The following DCDC2C variants were observed in gnomAD, a reference collection of about 807,000 sequenced individuals.
The protein encoded by DCDC2C is doublecortin domain containing 2C, also known as doublecortin domain-containing protein 2C.
In DCDC2C, 44 loss-of-function variants were observed where a neutral mutation model predicts 45.0. The ratio of observed to expected loss-of-function variants is 0.98; its 90% CI spans 0.77 to 1.26. DCDC2C has a LOEUF of 1.26. DCDC2C is among the 50% of genes most tolerant of loss of function. The probability of loss-of-function intolerance (pLI) is 0.00; values close to 1 mark genes in which losing one functional copy is unlikely to be tolerated. For synonymous variants in DCDC2C, 187 were observed against 178.8 expected, an observed-to-expected ratio of 1.05 and a Z score of -0.37; for missense variants, 447 against 468.9, an observed-to-expected ratio of 0.95 and a Z score of 0.43.
At chr2:3,832,923 G>T (rs1042137301) in intron 10 of DCDC2C, among the ~76,000 whole-genome samples, 55 of 152,304 alleles carry the variant, frequency 3.6e-4, no homozygotes, top group African/African-American at 1.0e-3. Context: ...ACAGCACAAG[G>T]TTATGATTTA....
chr2:3,786,867 T>C (rs1438864290), intron 10 of DCDC2C, among the ~76,000 whole-genome samples: 1 of 152,276 alleles, frequency 6.6e-6, no homozygotes, highest in Non-Finnish European at 1.5e-5. Context: ...TAGGTTTACT[T>C]ACTTTTCAAG....
At chr2:3,762,925 G>A (rs1669920131) in intron 6 of DCDC2C, among the ~76,000 whole-genome samples, 1 of 152,072 alleles carries the variant, frequency 6.6e-6, no homozygotes, top group Admixed American at 6.5e-5. Context: ...CGTGTGTGAG[G>A]CTGCCTGGGA....
chr2:3,788,775 CGTTTCCCTTT>C (rs1670722193), intron 10 of DCDC2C, among the ~76,000 whole-genome samples: 1 of 142,578 alleles, frequency 7.0e-6, no homozygotes, highest in African/African-American at 2.7e-5. Context: ...TCCTTTCTTC[CGTTTCCCTTT>C]CTTCCTCCCT....
intron 2 of DCDC2C, among the ~76,000 whole-genome samples, chr2:3,721,346 A>T (rs944930622): frequency 6.6e-6 from 1 of 152,106 alleles, no homozygotes; most frequent in African/African-American, 2.4e-5. Context: ...TTTTCTGTGA[A>T]TTCATCCTGC....
chr2:3,711,933 G>A (rs536252265), intron 2 of DCDC2C, among the ~76,000 whole-genome samples: 3 of 152,206 alleles, frequency 2.0e-5, no homozygotes, highest in Admixed American at 6.5e-5. Context: ...TCATGTCAGC[G>A]TGCGTGGCCT....
chr2:3,797,874 T>C (rs1379949079), intron 10 of DCDC2C, among the ~76,000 whole-genome samples: 2 of 148,036 alleles, frequency 1.4e-5, no homozygotes, highest in African/African-American at 2.4e-5. Flanking sequence ...GTTCTGTAGA[T>C]GTCTATTAGG....
At chr2:3,805,565 C>G (rs1386344469) in intron 10 of DCDC2C, among the ~76,000 whole-genome samples, 4 of 152,192 alleles carry the variant, frequency 2.6e-5, no homozygotes, top group African/African-American at 9.7e-5. Context: ...AATGTGTCAC[C>G]TTGTGCCTGT....
intron 1 of DCDC2C, among the ~76,000 whole-genome samples, chr2:3,706,581 G>A (rs1668070651): frequency 6.6e-6 from 1 of 152,010 alleles, no homozygotes; most frequent in Non-Finnish European, 1.5e-5. Flanking sequence ...TTTAGGGGAG[G>A]GACCCCAAAG....
chr2:3,752,499 A>C, intron 4 of DCDC2C: 1 of 508,838 alleles, frequency 2.0e-6, no homozygotes, highest in Non-Finnish European at 3.6e-6. Context: ...AGAGTGTAAC[A>C]TGGTTCTCAA....
chr2:3,785,027 A>T (rs1670613686), intron 9 of DCDC2C, 32 bp from the exon 10 acceptor site: 3 of 1,225,424 alleles, frequency 2.4e-6, no homozygotes, highest in Non-Finnish European at 3.1e-6. Flanking sequence ...TTCTTGCGAT[A>T]GTTGATTCCT....
intron 9 of DCDC2C, among the ~76,000 whole-genome samples, chr2:3,784,120 G>GT (rs1042603092): frequency 8.5e-5 from 13 of 152,124 alleles, no homozygotes; most frequent in African/African-American, 2.7e-4. Context: ...TAAAAATGAG[G>GT]TTTTTTTGTT....
chr2:3,718,827 G>C (rs1323137659), intron 2 of DCDC2C, among the ~76,000 whole-genome samples: 1 of 152,144 alleles, frequency 6.6e-6, no homozygotes, highest in Non-Finnish European at 1.5e-5. Flanking sequence ...AAGGTGGCAC[G>C]GACCCAAAGA....
At position 3,781,498 on chromosome 2, in the gene DCDC2C, T is replaced by C. The variant is rs564489323; in HGVS notation, c.1023+2614T>C. ...TGCCTATGATGAAGTTACTTAAATATGTAATCCTGGAGTAAAATGCTAATT... is the reference window on the plus strand; with the variant it reads ...TGCCTATGATGAAGTTACTTAAATACGTAATCCTGGAGTAAAATGCTAATT... On this transcript the variant is annotated intron_variant, in intron 9 of 10. Transcript: ENST00000399143. 4.6e-5 allele frequency among the ~76,000 whole-genome samples: 7 copies of C among 152,370 alleles called. No individual in the cohort carries two copies. In the East Asian group the frequency reaches 7.7e-4, roughly 17 times the overall value.
intron 8 of DCDC2C, among the ~76,000 whole-genome samples, chr2:3,771,277 C>T (rs190022738): frequency 2.0e-5 from 3 of 152,328 alleles, no homozygotes; most frequent in Admixed American, 1.3e-4. Context: ...TCCCACTCGC[C>T]GGGTCCTGAC....
chr2:3,847,321 G>T lies in DCDC2C; in HGVS notation c.*138G>T. ...CCCACACAGTGGTGTCTTCTCGAAA[G>T]CCAAAGACGAGGTTTCATAATTGAG... On this transcript the variant is annotated 3_prime_UTR_variant, in exon 11 of 11. Coordinates refer to ENST00000399143, the MANE Select transcript of DCDC2C (RefSeq NM_001287444.2). 5 of 496,582 alleles carry T rather than the reference G, an allele frequency of 1.0e-5. No homozygotes were observed. Among genetic ancestry groups the T allele is most frequent in the Non-Finnish European group, 1.6e-5 (5 of 317,612 alleles). The allele number at this position is 496,582 out of a possible 1,614,324, so 30.8% of individuals were successfully genotyped here.
chr2:3,807,611 C>A (rs1475351989), intron 10 of DCDC2C, among the ~76,000 whole-genome samples: 1 of 151,946 alleles, frequency 6.6e-6, no homozygotes, highest in East Asian at 1.9e-4. Context: ...TAGAATGCAT[C>A]CTTCTCGGTG....
chr2:3,737,344 T>C (rs1669060204), intron 3 of DCDC2C, among the ~76,000 whole-genome samples: 2 of 152,088 alleles, frequency 1.3e-5, no homozygotes, highest in African/African-American at 4.8e-5. Context: ...CACCCCAGGA[T>C]GAGGGGAGGG....
intron 6 of DCDC2C, among the ~76,000 whole-genome samples, chr2:3,757,294 T>C (rs1477994765): frequency 1.3e-5 from 2 of 152,106 alleles, no homozygotes; most frequent in Non-Finnish European, 2.9e-5. Flanking sequence ...GAAAAGAAGG[T>C]ACAAAATTAA....
chr2:3,789,669 A>G (rs571046277), intron 10 of DCDC2C, among the ~76,000 whole-genome samples: 9 of 152,266 alleles, frequency 5.9e-5, no homozygotes, highest in African/African-American at 1.9e-4. Flanking sequence ...TGCTCCCTTT[A>G]TGTGTGGAGC....
Sources: allele counts gnomAD v4.1 joint callset (sites outside exome capture counted in the v4.1 genomes callset), GRCh38; gene constraint gnomAD v4.1.1; transcripts MANE v1.5; gene names NCBI Gene and HGNC (gene_info 2026-07-23, HGNC 2026-07-21).